The following HEG1 variants were observed in gnomAD, a reference collection of about 807,000 sequenced individuals.
HEG1 encodes heart development protein with EGF like domains 1, also known as protein HEG homolog 1.
Under a neutral mutation model 125.6 loss-of-function variants are expected in HEG1, and 56 were observed. The observed-to-expected ratio is 0.45, with a 90% CI of 0.36 to 0.56. HEG1 has a LOEUF of 0.56. HEG1 is among the 20% of genes least tolerant of loss of function. The pLI is 0.00. For missense variants in HEG1, 1,523 were observed against 1,670.0 expected, an observed-to-expected ratio of 0.91 and a Z score of 1.53; for synonymous variants, 644 against 668.5, an observed-to-expected ratio of 0.96 and a Z score of 0.57.
intron 10 of HEG1, 109 bp from the exon 11 acceptor site, chr3:125,002,121 T>C: frequency 7.3e-6 from 11 of 1,509,874 alleles, no homozygotes; most frequent in Non-Finnish European, 1.0e-5. Flanking sequence ...TGGGAGAGCA[T>C]GAAGGTCAGT....
At chr3:125,054,088 C>T (rs1339867981) in intron 1 of HEG1, among the ~76,000 whole-genome samples, 1 of 152,250 alleles carries the variant, frequency 6.6e-6, no homozygotes, top group East Asian at 1.9e-4. Flanking sequence ...AGTTCACCTT[C>T]TGTTTAGAAA....
intron 9 of HEG1, among the ~76,000 whole-genome samples, chr3:125,003,747 A>C (rs1937032969): frequency 1.3e-5 from 2 of 152,152 alleles, no homozygotes; most frequent in South Asian, 4.1e-4. Context: ...TGCATACTGG[A>C]CACACTGTTG....
intron 16 of HEG1, among the ~76,000 whole-genome samples, chr3:124,972,416 T>C (rs1936463470): frequency 6.6e-6 from 1 of 152,234 alleles, no homozygotes; most frequent in Non-Finnish European, 1.5e-5. Context: ...GCTAAGTTTG[T>C]ATTTCTTTAT....
Position 125,014,892 on chromosome 3 carries a change from C to T in HEG1, c.1589-902G>A, listed in dbSNP as rs1937221499. The T allele has an allele frequency of 4.7e-6, 6 of 1,289,752 alleles. No homozygotes were observed. The South Asian group carries it at 4.9e-5, about 11-fold the overall frequency. 79.9% of individuals were successfully genotyped at this position (1,289,752 alleles called of 1,614,324 possible). On this transcript the variant is annotated intron_variant, in intron 5 of 16. Coordinates refer to ENST00000311127, the MANE Select transcript of HEG1 (RefSeq NM_020733.2). Reference sequence around the variant, plus strand: ...GGTGACAGACCGCAGTGTGCGTTCCCCGTTTCCAGTGACAGTAGCCAAGGT... The same window carrying T: ...GGTGACAGACCGCAGTGTGCGTTCCTCGTTTCCAGTGACAGTAGCCAAGGT...
At chr3:125,009,996 A>T (rs1476886742) in intron 7 of HEG1, among the ~76,000 whole-genome samples, 172 bp from the exon 8 acceptor site, 1 of 152,232 alleles carries the variant, frequency 6.6e-6, no homozygotes, top group Non-Finnish European at 1.5e-5. Flanking sequence ...TTGAGGGTGG[A>T]GGTGGCCACA....
Position 124,999,817 on chromosome 3 carries a change from T to A in HEG1, c.3518-1994A>T, listed in dbSNP as rs1359239140. ...GCATAACATCCGCCAAAACAGACAA[T>A]GAGACTCTAAGTAAATCTAAAGCTG... On this transcript the variant is annotated intron_variant, in intron 11 of 16. Transcript: ENST00000311127. Among the ~76,000 whole-genome samples the A allele has an allele frequency of 2.0e-5, 3 of 152,214 alleles. No homozygotes were observed. In the East Asian group the frequency reaches 5.8e-4, roughly 29 times the overall value.
rs10635471 is a variant in HEG1 at position 124,971,789 on chromosome 3, C to CTTTT, written c.3997-992_3997-989dup. Among the ~76,000 whole-genome samples, 247 of 128,464 alleles carry CTTTT rather than the reference C, an allele frequency of 1.9e-3. 10 individuals are homozygous for CTTTT. Among genetic ancestry groups the CTTTT allele is most frequent in the African/African-American group, 7.2e-3 (239 of 33,098 alleles). The allele number at this position is 128,464 out of a possible 152,430, so 84.3% of individuals were successfully genotyped here. On this transcript the variant is annotated intron_variant, in intron 16 of 16. Transcript: ENST00000311127. The stretch of plus-strand genomic sequence containing the variant: ...ATAGGCGTGAGCCACTGCGCCCGGC[C>CTTTT]TTTTTTTTTTTTTTTTTGAGACAGG...
chr3:124,995,389 A>G (rs1438986042), intron 12 of HEG1, among the ~76,000 whole-genome samples: 1 of 152,196 alleles, frequency 6.6e-6, no homozygotes, highest in Non-Finnish European at 1.5e-5. Flanking sequence ...CTTTGATTTT[A>G]TGTGTAGCTT....
rs374179814 is a variant in HEG1, at chr3:125,013,495, G to A, written c.2084C>T (p.Thr695Ile). Residue 695 changes from threonine to isoleucine, a missense_variant, in exon 6 of 17, where the codon ACC becomes ATC. Physicochemically the swap from Thr to Ile is moderately conservative, Grantham distance 89 (BLOSUM62 -1). Transcript: ENST00000311127. Reference protein sequence around the residue: ...HHLFSSILPSTRASVHLLKST... With the variant: ...HHLFSSILPSIRASVHLLKST... ...CTTTAGTAGATGCACAGAGGCCCTG[G>A]TTGATGGTAAAATTGATGAAAATAA... 1.5e-4 allele frequency: 239 copies of A among 1,613,568 alleles called. No homozygotes were observed. Among genetic ancestry groups the A allele is most frequent in the South Asian group, 3.4e-4 (31 of 91,034 alleles).
intron 1 of HEG1, among the ~76,000 whole-genome samples, chr3:125,037,651 G>A (rs1049025723): frequency 1.3e-5 from 2 of 152,220 alleles, no homozygotes; most frequent in Non-Finnish European, 2.9e-5. Context: ...GGGCCCTGCT[G>A]GCCCCAAAGA....
At chr3:125,033,200 A>G (rs1244287727) in intron 1 of HEG1, among the ~76,000 whole-genome samples, 5 of 152,356 alleles carry the variant, frequency 3.3e-5, no homozygotes, top group African/African-American at 1.2e-4. Context: ...GCAAGTAAGT[A>G]AAGAATCAAA....
Position 125,020,839 on chromosome 3 carries a change from T to C in HEG1, c.1205A>G (p.Glu402Gly). The C allele has an allele frequency of 3.1e-6, 5 of 1,614,026 alleles. No homozygotes were observed. Among genetic ancestry groups the C allele is most frequent in the Non-Finnish European group, 4.2e-6 (5 of 1,179,886 alleles). The change falls in exon 4 of 17, where the codon GAA (glutamate) becomes GGA (glycine). Residue 402 changes from glutamate to glycine, a missense_variant. Transcript: ENST00000311127. ...GDEEFIEPSTENEFGLTSLRW... is the reference protein window; with the variant it reads ...GDEEFIEPSTGNEFGLTSLRW... ...CAAAGACGTAAGTCCAAATTCATTTTCTGTGGATGGTTCAATGAATTCCTC... is the reference window on the plus strand; with the variant it reads ...CAAAGACGTAAGTCCAAATTCATTTCCTGTGGATGGTTCAATGAATTCCTC...
At chr3:124,984,401 C>G (rs1343373120) in intron 14 of HEG1, among the ~76,000 whole-genome samples, 1 of 151,920 alleles carries the variant, frequency 6.6e-6, no homozygotes, top group Non-Finnish European at 1.5e-5. Flanking sequence ...TGTCTGTGGC[C>G]AGAAAAAAGT....
intron 15 of HEG1, among the ~76,000 whole-genome samples, chr3:124,976,617 G>T (rs1488199418): frequency 6.6e-6 from 1 of 152,074 alleles, no homozygotes; most frequent in South Asian, 2.1e-4. Flanking sequence ...CCACGATCGG[G>T]ATATAGTTTG....
intron 5 of HEG1, among the ~76,000 whole-genome samples, chr3:125,016,435 G>A (rs1386332729): frequency 1.3e-5 from 2 of 152,168 alleles, no homozygotes; most frequent in East Asian, 1.9e-4. Flanking sequence ...TGAACCAACT[G>A]AGCATTAATT....
chr3:125,039,660 G>T (rs1363063265), intron 1 of HEG1, among the ~76,000 whole-genome samples: 4 of 152,036 alleles, frequency 2.6e-5, no homozygotes, highest in African/African-American at 9.7e-5. Context: ...ACCCTGTCAA[G>T]CGGGTATTAT....
At chr3:125,055,470 T>G (rs866837495) in intron 1 of HEG1, 105 bp downstream of exon 1, 1 of 772,526 alleles carries the variant, frequency 1.3e-6, no homozygotes, top group East Asian at 4.9e-5. Context: ...GCCCCCACCC[T>G]GGGTCGCGCC....
chr3:125,012,130 G>A (rs1007882713), intron 6 of HEG1, among the ~76,000 whole-genome samples: 1 of 152,178 alleles, frequency 6.6e-6, no homozygotes, highest in African/African-American at 2.4e-5. Context: ...GCCCAGTGAC[G>A]CCAAGAAGCT....
In HEG1 at chr3:125,052,212, C is replaced by A. The variant is rs911617746; in HGVS notation, c.316+3363G>T. On this transcript the variant is annotated intron_variant, in intron 1 of 16. Coordinates refer to ENST00000311127, the MANE Select transcript of HEG1 (RefSeq NM_020733.2). ...CAGGAATCCCCACTACCACCACCCC[C>A]AAGCCTCCGCCAGGAGTGAGGTAGC... Among the ~76,000 whole-genome samples, 4 of 151,664 alleles carry A rather than the reference C, an allele frequency of 2.6e-5. No individual in the cohort carries two copies. In the South Asian group the frequency reaches 6.3e-4, roughly 24 times the overall value.
Sources: gnomAD v4.1 joint callset for allele counts (sites outside exome capture counted in the v4.1 genomes callset) on GRCh38, gnomAD v4.1.1 for gene constraint, MANE v1.5 for transcripts, NCBI Gene and HGNC (gene_info 2026-07-23, HGNC 2026-07-21) for gene names.